KLF7: variants seen among roughly 807,000 people sequenced by gnomAD.
KLF7 encodes the protein Krueppel-like factor 7.
KLF7 carries 2 observed loss-of-function variants against 27.3 expected under a neutral mutation model. That is an observed-to-expected ratio of 0.07 (90% CI 0.03 to 0.23). KLF7 has a LOEUF of 0.23. KLF7 is among the 10% of genes least tolerant of loss of function. KLF7 has a pLI of 1.00. For missense variants in KLF7, 221 were observed against 394.1 expected (o/e 0.56, Z 3.72); for synonymous variants, 165 against 162.4 (o/e 1.02, Z -0.12).
upstream of KLF7, chr2:207,167,125 C>G (rs2078739498): frequency 8.4e-6 from 12 of 1,432,514 alleles, no homozygotes; most frequent in Non-Finnish European, 1.1e-5. Context: ...GGGGCCTTTA[C>G]GTGATGAGGC....
intron 2 of KLF7, among the ~76,000 whole-genome samples, chr2:207,098,163 T>A (rs1436257323): frequency 6.6e-6 from 1 of 152,200 alleles, no homozygotes; most frequent in Non-Finnish European, 1.5e-5. Flanking sequence ...CATTTTACTT[T>A]GTTTTTGTTC....
At chr2:207,095,274 TC>T (rs1310599691) in intron 2 of KLF7, among the ~76,000 whole-genome samples, 1 of 152,028 alleles carries the variant, frequency 6.6e-6, no homozygotes, top group Non-Finnish European at 1.5e-5. Flanking sequence ...GGTCTTGATC[TC>T]CTGACCTCGT....
intron 2 of KLF7, among the ~76,000 whole-genome samples, chr2:207,100,597 T>G (rs1481452656): frequency 6.6e-6 from 1 of 152,070 alleles, no homozygotes; most frequent in Non-Finnish European, 1.5e-5. Flanking sequence ...CAGCCCCCGC[T>G]CCCCAACTCC....
At chr2:207,116,276 A>G (rs977218380) in intron 2 of KLF7, among the ~76,000 whole-genome samples, 1 of 152,222 alleles carries the variant, frequency 6.6e-6, no homozygotes, top group African/African-American at 2.4e-5. Flanking sequence ...CAAGGTTTCA[A>G]CTGTAATTTC....
chr2:207,157,806 T>C (rs2078431945), intron 1 of KLF7, among the ~76,000 whole-genome samples: 1 of 152,226 alleles, frequency 6.6e-6, no homozygotes, highest in African/African-American at 2.4e-5. Context: ...CCTAATTTTT[T>C]ATTAGATTCA....
intron 2 of KLF7, among the ~76,000 whole-genome samples, chr2:207,110,271 A>G (rs1205006646): frequency 6.6e-6 from 1 of 152,244 alleles, no homozygotes; most frequent in Non-Finnish European, 1.5e-5. Context: ...GAACCAGAAC[A>G]GTGAATAGTA....
At chr2:207,121,564 A>G (rs1209113777) in intron 2 of KLF7, 3 of 152,216 alleles carry the variant, frequency 2.0e-5, no homozygotes, top group Admixed American at 1.3e-4. Flanking sequence ...ACATAAACCC[A>G]AGTCCACCCG....
At chr2:207,102,125 T>TACACACACA (rs1553522202) in intron 2 of KLF7, among the ~76,000 whole-genome samples, 3 of 121,228 alleles carry the variant, frequency 2.5e-5, no homozygotes, top group Non-Finnish European at 5.5e-5. Flanking sequence ...TACATTCACA[T>TACACACACA]TCACACACAC....
At chr2:207,125,716 A>T (rs2077459818) in intron 1 of KLF7, among the ~76,000 whole-genome samples, 1 of 152,138 alleles carries the variant, frequency 6.6e-6, no homozygotes, top group Non-Finnish European at 1.5e-5. Context: ...CTCACTGTTG[A>T]TTTTCAATGG....
At chr2:207,159,517 C>A (rs2078482089) in intron 1 of KLF7, among the ~76,000 whole-genome samples, 1 of 152,168 alleles carries the variant, frequency 6.6e-6, no homozygotes, top group Non-Finnish European at 1.5e-5. Context: ...CAGTCAAGCT[C>A]CTAGAGGGCA....
chr2:207,122,998 T>C (rs2077380614), intron 2 of KLF7, among the ~76,000 whole-genome samples: 1 of 149,804 alleles, frequency 6.7e-6, no homozygotes, highest in African/African-American at 2.5e-5. Flanking sequence ...GTTTCACGCT[T>C]TTCTGTGTAA....
In KLF7 at chr2:207,165,888, A is replaced by T; in HGVS notation, c.-320T>A. On this transcript the variant is annotated 5_prime_UTR_variant, in exon 1 of 4. Coordinates refer to ENST00000309446, the MANE Select transcript of KLF7 (RefSeq NM_003709.4). ...GGGCTCTAATCACTCCAGCTCGTGG[A>T]TCAGGAAGGGGGATGCAAACTCACT... 1 of 1,166,062 alleles carries T rather than the reference A, an allele frequency of 8.6e-7. No individual in the cohort carries two copies. The highest frequency in any genetic ancestry group is 1.1e-6 in the Non-Finnish European group (1 of 939,864). The allele number at this position is 1,166,062 out of a possible 1,614,324, so 72.2% of individuals were successfully genotyped here. A position where few individuals can be genotyped will look rare whatever the true frequency, so the allele number is the denominator to read the frequency against.
At chr2:207,116,879 C>T (rs2105960886) in intron 2 of KLF7, among the ~76,000 whole-genome samples, 1 of 152,292 alleles carries the variant, frequency 6.6e-6, no homozygotes, top group South Asian at 2.1e-4. Flanking sequence ...AGTTCCCCCA[C>T]ATCCCCCATC....
At chr2:207,086,974 T>C (rs2076403024) in intron 3 of KLF7, among the ~76,000 whole-genome samples, 1 of 152,222 alleles carries the variant, frequency 6.6e-6, no homozygotes, top group Admixed American at 6.5e-5. Context: ...AGGGCTTCTT[T>C]ATTAGCCAGA....
upstream of KLF7, among the ~76,000 whole-genome samples, chr2:207,169,756 T>G (rs1384303717): frequency 2.6e-5 from 4 of 152,140 alleles, no homozygotes; most frequent in Non-Finnish European, 4.4e-5. Context: ...ATATCTGATA[T>G]GGTGATCTGT....
At chr2:207,110,673 A>G (rs1381961246) in intron 2 of KLF7, among the ~76,000 whole-genome samples, 5 of 152,242 alleles carry the variant, frequency 3.3e-5, no homozygotes, top group Admixed American at 2.0e-4. Context: ...CTAGAAGGTT[A>G]AGCATTTAGT....
chr2:207,132,528 G>A, intron 1 of KLF7, among the ~76,000 whole-genome samples: 1 of 152,240 alleles, frequency 6.6e-6, no homozygotes, highest in Non-Finnish European at 1.5e-5. Context: ...GGAGGTGGGT[G>A]GTGAGGATGT....
chr2:207,089,453 C>CT (rs969756478), intron 2 of KLF7, among the ~76,000 whole-genome samples: 2 of 152,022 alleles, frequency 1.3e-5, no homozygotes, highest in South Asian at 2.1e-4. Flanking sequence ...TGCCTTAGAC[C>CT]TTTTTTTTAA....
At chr2:207,151,037 G>A (rs1265777555) in intron 1 of KLF7, among the ~76,000 whole-genome samples, 1 of 150,898 alleles carries the variant, frequency 6.6e-6, no homozygotes, top group African/African-American at 2.4e-5. Context: ...AAGGGAGGGA[G>A]GGAGGGTGAA....
Sources: gnomAD v4.1 joint callset for allele counts (sites outside exome capture counted in the v4.1 genomes callset) on GRCh38, gnomAD v4.1.1 for gene constraint, MANE v1.5 for transcripts, NCBI Gene and HGNC (gene_info 2026-07-23, HGNC 2026-07-21) for gene names.